Variants in ESRRB observed in about 807,000 individuals in gnomAD.
ESRRB encodes steroid hormone receptor ERR2.
Under a neutral mutation model 46.0 loss-of-function variants are expected in ESRRB, and 16 were observed. That is an observed-to-expected ratio of 0.35 (90% CI 0.24 to 0.53). The LOEUF (loss-of-function observed/expected upper bound fraction) is 0.53. ESRRB is among the 20% of genes least tolerant of loss of function. The pLI, the probability that ESRRB is intolerant of heterozygous loss-of-function variation, is 0.93. For missense variants in ESRRB, 488 were observed against 607.4 expected, an observed-to-expected ratio of 0.80 and a Z score of 2.07; for synonymous variants, 246 against 259.6, an observed-to-expected ratio of 0.95 and a Z score of 0.50.
chr14:76,376,889 G>A lies in ESRRB; in HGVS notation c.50+438G>A, dbSNP rs1884789537. ...GCTTTGTTTTATTATTTCCATCCTG[G>A]GGACCAAAAATGATCCCGGCAAGAG... On this transcript the variant is annotated intron_variant, in intron 1 of 6. Coordinates refer to ENST00000644823, the MANE Select transcript of ESRRB (RefSeq NM_001379180.1). The surrounding 1 kb of genome is among the most constrained non-coding windows in gnomAD (Gnocchi z 4.1). Among the ~76,000 whole-genome samples, 1 of 152,100 alleles carries A rather than the reference G, an allele frequency of 6.6e-6. No homozygotes were observed. Among genetic ancestry groups the A allele is most frequent in the African/African-American group, 2.4e-5 (1 of 41,428 alleles).
At chr14:76,346,061 G>C (rs1415008761) in intron 1 of ESRRB, among the ~76,000 whole-genome samples, 3 of 152,042 alleles carry the variant, frequency 2.0e-5, no homozygotes, top group South Asian at 4.2e-4. Flanking sequence ...GGAAACGCTT[G>C]GTGTTTCTTG....
intron 1 of ESRRB, among the ~76,000 whole-genome samples, chr14:76,428,187 G>A (rs1210402211): frequency 1.3e-5 from 2 of 152,004 alleles, no homozygotes; most frequent in Non-Finnish European, 2.9e-5. Context: ...TCGTAGAGAC[G>A]GGGTTTCTCC....
chr14:76,479,114 C>G (rs1330433353), intron 3 of ESRRB, among the ~76,000 whole-genome samples: 3 of 152,188 alleles, frequency 2.0e-5, no homozygotes, highest in Non-Finnish European at 4.4e-5. Flanking sequence ...TTTGAGGCAT[C>G]TAACAAGCCT....
intron 2 of ESRRB, among the ~76,000 whole-genome samples, chr14:76,453,595 C>CTTT: frequency 7.1e-6 from 1 of 141,212 alleles, no homozygotes; most frequent in Admixed American, 6.7e-5. Flanking sequence ...TGAAAAAAAG[C>CTTT]TCTTTTTTTT....
chr14:76,315,314 C>T (rs80347945), intron 1 of ESRRB, among the ~76,000 whole-genome samples: 3,427 of 152,118 alleles, frequency 0.023, 116 homozygotes, highest in African/African-American at 0.077. Flanking sequence ...GGAGCTCCAC[C>T]GAGGAGAGTC....
At chr14:76,327,933 C>T (rs1002816367) in intron 1 of ESRRB, among the ~76,000 whole-genome samples, 2 of 151,834 alleles carry the variant, frequency 1.3e-5, no homozygotes, top group Admixed American at 6.6e-5. Context: ...AGGCTGGTCT[C>T]GAACTCCTGA....
chr14:76,331,311 A>T (rs1331593009), intron 1 of ESRRB, among the ~76,000 whole-genome samples: 2 of 152,138 alleles, frequency 1.3e-5, no homozygotes, highest in African/African-American at 4.8e-5. Context: ...CAGAAGACCT[A>T]GAGTCAAATC....
chr14:76,338,904 T>C (rs1355584042), intron 1 of ESRRB, among the ~76,000 whole-genome samples: 1 of 152,134 alleles, frequency 6.6e-6, no homozygotes, highest in Non-Finnish European at 1.5e-5. Context: ...GATTGTGCCA[T>C]TGCACTCTAG....
intron 1 of ESRRB, among the ~76,000 whole-genome samples, chr14:76,389,871 G>T (rs113643472): frequency 5.2e-4 from 79 of 152,206 alleles, no homozygotes; most frequent in African/African-American, 1.8e-3. Context: ...TTCACTTTAC[G>T]TTCTTGCCAT....
chr14:76,383,343 GT>G (rs11363854), intron 1 of ESRRB, among the ~76,000 whole-genome samples: 76,660 of 147,702 alleles, frequency 0.52, 19,320 homozygotes, highest in Admixed American at 0.57. Flanking sequence ...ATTTTTATTG[GT>G]TTTTTTTTTG....
chr14:76,318,243 G>A (rs1883825165), intron 1 of ESRRB, among the ~76,000 whole-genome samples: 1 of 152,180 alleles, frequency 6.6e-6, no homozygotes, highest in Non-Finnish European at 1.5e-5. Flanking sequence ...AAGTCCTTTA[G>A]CAGAGTTGGA....
Position 76,499,691 on chromosome 14 carries a change from C to A in ESRRB, c.*1233C>A. The stretch of plus-strand genomic sequence containing the variant: ...TCTCTGGCAGGACCCCTGCAGTCCC[C>A]CTGGCTGTGCCAGGTAACCAACCGT... On this transcript the variant is annotated 3_prime_UTR_variant, in exon 7 of 7. Coordinates refer to ENST00000644823, the MANE Select transcript of ESRRB (RefSeq NM_001379180.1). 5.8e-6 allele frequency: 4 copies of A among 693,198 alleles called. No homozygotes were observed. Among genetic ancestry groups the A allele is most frequent in the Admixed American group, 4.1e-5 (2 of 48,984 alleles). 42.9% of individuals were successfully genotyped at this position (693,198 alleles called of 1,614,324 possible).
At chr14:76,366,385 T>C (rs960555422), upstream of ESRRB, among the ~76,000 whole-genome samples, 1 of 152,142 alleles carries the variant, frequency 6.6e-6, no homozygotes, top group Non-Finnish European at 1.5e-5. Context: ...GGAAGTAGGA[T>C]GCTCAGGCCC....
At chr14:76,449,761 CTTTTTTT>C (rs79764142) in intron 2 of ESRRB, among the ~76,000 whole-genome samples, 1 of 126,304 alleles carries the variant, frequency 7.9e-6, no homozygotes, top group Non-Finnish European at 1.7e-5. Flanking sequence ...TTTTTCTTTC[CTTTTTTT>C]TTTTTTTTTT....
intron 1 of ESRRB, among the ~76,000 whole-genome samples, chr14:76,414,458 C>T (rs1465080597): frequency 1.3e-5 from 2 of 150,996 alleles, no homozygotes. Context: ...TGGCGGTTTT[C>T]ATTTCGGAGG....
Position 76,342,133 on chromosome 14 carries a change from G to A in ESRRB, c.2+31217G>A, listed in dbSNP as rs141766432. On this transcript the variant is annotated intron_variant, in intron 1 of 6. Coordinates refer to the ESRRB transcript ENST00000512784. ...AGTCTCACCTCAAAGACATCAGAGC[G>A]TATTTGGGGCAACGGGGCTAACACA... is the stretch of plus-strand genomic sequence containing the variant. Among the ~76,000 whole-genome samples, 8 of 152,296 alleles carry A rather than the reference G, an allele frequency of 5.3e-5. No homozygotes were observed. The East Asian group carries it at 5.8e-4, about 11-fold the overall frequency.
intron 1 of ESRRB, among the ~76,000 whole-genome samples, chr14:76,358,721 C>T (rs12896100): frequency 0.18 from 27,042 of 152,194 alleles, 2,459 homozygotes; most frequent in Middle Eastern, 0.22. Flanking sequence ...GATTTCCCTT[C>T]TAAAATGTTT....
chr14:76,388,746 C>T (rs1184734608), intron 1 of ESRRB, among the ~76,000 whole-genome samples: 5 of 152,220 alleles, frequency 3.3e-5, no homozygotes, highest in Admixed American at 3.3e-4. Context: ...CCATGCCCAG[C>T]CTCTGGAGGC....
At chr14:76,486,651 ATGAGT>A (rs1404734193) in intron 5 of ESRRB, among the ~76,000 whole-genome samples, 13 of 151,684 alleles carry the variant, frequency 8.6e-5, no homozygotes, top group Non-Finnish European at 1.5e-4. Flanking sequence ...ATGTTATTAG[ATGAGT>A]TGGTGCAGAT....
Sources: gnomAD v4.1 joint callset for allele counts (sites outside exome capture counted in the v4.1 genomes callset) on GRCh38, gnomAD v4.1.1 for gene constraint, Gnocchi (gnomAD v3.1) non-coding constraint, MANE v1.5 for transcripts, NCBI Gene and HGNC (gene_info 2026-07-23, HGNC 2026-07-21) for gene names.